Variants in BIRC6 observed in about 807,000 individuals in gnomAD.
BIRC6 encodes the protein baculoviral IAP repeat containing 6.
Under a neutral mutation model 503.3 loss-of-function variants are expected in BIRC6, and 98 were observed. The observed-to-expected ratio is 0.19, with a 90% CI of 0.17 to 0.23. The LOEUF is 0.23. Ranked by LOEUF, BIRC6 falls within the 10% of genes least tolerant of loss-of-function variation. The pLI is 1.00. For synonymous variants in BIRC6, 2,240 were observed against 2,078.7 expected (o/e 1.08, Z -2.11); for missense variants, 5,360 against 5,806.0 (o/e 0.92, Z 2.50).
At chr2:32,583,359 A>C (rs145823126) in intron 66 of BIRC6, among the ~76,000 whole-genome samples, 1 of 152,284 alleles carries the variant, frequency 6.6e-6, no homozygotes, top group Non-Finnish European at 1.5e-5. Context: ...TATCTTTCCT[A>C]ATACCCCCTT....
intron 21 of BIRC6, 102 bp from the exon 22 acceptor site, chr2:32,448,693 C>T (rs910564150): frequency 3.2e-6 from 3 of 948,976 alleles, no homozygotes; most frequent in African/African-American, 1.7e-5. Flanking sequence ...AGAGGGAGAG[C>T]CCTCTGCGCT....
chr2:32,501,776 T>C lies in BIRC6; in HGVS notation c.9095T>C (p.Val3032Ala), dbSNP rs2053225492. The C allele has an allele frequency of 1.2e-6, 2 of 1,613,812 alleles. No individual in the cohort carries two copies. The highest frequency in any genetic ancestry group is 1.7e-6 in the Non-Finnish European group (2 of 1,179,814). ...NFHGGLDAIS[V>A]GDGLFTILTT... ...CATGGTGGGTTGGATGCCATATCAG[T>C]TGGGGATGGATTATTTACCATACTG... Residue 3032 changes from valine to alanine, a missense_variant, in exon 47 of 74, where the codon GTT (valine) becomes GCT (alanine). Val to Ala is a moderately conservative substitution (Grantham distance 64, BLOSUM62 0). Coordinates refer to ENST00000421745, the MANE Select transcript of BIRC6 (RefSeq NM_016252.4).
intron 50 of BIRC6, 124 bp from the exon 51 acceptor site, chr2:32,507,856 G>A (rs539225443): frequency 2.2e-4 from 186 of 841,550 alleles, no homozygotes; most frequent in Non-Finnish European, 3.1e-4. Context: ...TGTTGTATAA[G>A]TTTTCCTTTT....
chr2:32,478,261 T>C (rs1316976494), intron 35 of BIRC6, among the ~76,000 whole-genome samples: 2 of 152,000 alleles, frequency 1.3e-5, no homozygotes, highest in East Asian at 3.9e-4. Flanking sequence ...TGCTTGAACC[T>C]GGGGGCGATG....
chr2:32,510,303 T>C (rs2054268257), intron 52 of BIRC6, among the ~76,000 whole-genome samples: 1 of 152,182 alleles, frequency 6.6e-6, no homozygotes, highest in Non-Finnish European at 1.5e-5. Flanking sequence ...GGTTTTGAAC[T>C]CCTGACCTCA....
At chr2:32,377,893 C>T in intron 2 of BIRC6, 124 bp downstream of exon 2, 1 of 774,360 alleles carries the variant, frequency 1.3e-6, no homozygotes. Flanking sequence ...AAACAATTTA[C>T]TTATTGACCA....
At chr2:32,577,186 G>T (rs1009569734) in intron 66 of BIRC6, among the ~76,000 whole-genome samples, 7 of 151,992 alleles carry the variant, frequency 4.6e-5, no homozygotes, top group African/African-American at 1.7e-4. Flanking sequence ...GGCCATCTGT[G>T]TTGCTTATTC....
intron 3 of BIRC6, among the ~76,000 whole-genome samples, chr2:32,384,725 A>G (rs1161423817): frequency 1.3e-5 from 2 of 152,136 alleles, no homozygotes; most frequent in East Asian, 1.9e-4. Context: ...GGAAGTTTAC[A>G]TTTTTGGGCC....
chr2:32,536,519 A>G lies in BIRC6; in HGVS notation c.12291+4968A>G, dbSNP rs972194230. 2.6e-5 allele frequency among the ~76,000 whole-genome samples: 4 copies of G among 152,192 alleles called. No individual in the cohort carries two copies. In the East Asian group the frequency reaches 7.7e-4, roughly 29 times the overall value. On this transcript the variant is annotated intron_variant, in intron 61 of 73. Transcript: ENST00000421745. ...AGAAGGCATCCAGTTTCAGCTTTCT[A>G]CATATGGCTAGCCAGTTTCCCAGCA...
At chr2:32,460,488 G>C (rs1387515649) in intron 23 of BIRC6, among the ~76,000 whole-genome samples, 1 of 151,158 alleles carries the variant, frequency 6.6e-6, no homozygotes, top group Non-Finnish European at 1.5e-5. Flanking sequence ...TGTTGGTCAG[G>C]CTGGTCTCGA....
At chr2:32,562,159 C>T (rs2059238505) in intron 65 of BIRC6, among the ~76,000 whole-genome samples, 1 of 152,134 alleles carries the variant, frequency 6.6e-6, no homozygotes, top group Admixed American at 6.5e-5. Context: ...TGAACTTTAG[C>T]ATGCTAGACT....
At chr2:32,518,137 A>T in intron 55 of BIRC6, 117 bp from the exon 56 acceptor site, 1 of 976,158 alleles carries the variant, frequency 1.0e-6, no homozygotes, top group Non-Finnish European at 1.5e-6. Context: ...TTCTTTAGCT[A>T]CTGATTTGAT....
intron 71 of BIRC6, among the ~76,000 whole-genome samples, chr2:32,605,586 G>A (rs770087717): frequency 5.3e-5 from 8 of 152,128 alleles, no homozygotes; most frequent in Non-Finnish European, 7.3e-5. Flanking sequence ...ATGTCTGGCC[G>A]GGCGAGGTGA....
intron 39 of BIRC6, among the ~76,000 whole-genome samples, chr2:32,484,211 A>G (rs1393657635): frequency 6.6e-6 from 1 of 152,106 alleles, no homozygotes; most frequent in African/African-American, 2.4e-5. Context: ...GGGGAGCAGA[A>G]TGGTACTCGG....
At chr2:32,373,943 G>A (rs1210751455) in intron 1 of BIRC6, among the ~76,000 whole-genome samples, 1 of 152,228 alleles carries the variant, frequency 6.6e-6, no homozygotes, top group Non-Finnish European at 1.5e-5. Flanking sequence ...AAATAAGCCA[G>A]TCACAAAAGG....
At chr2:32,470,382 C>A in intron 31 of BIRC6, 81 bp downstream of exon 31, 3 of 1,263,050 alleles carry the variant, frequency 2.4e-6, no homozygotes, top group Non-Finnish European at 2.1e-6. Flanking sequence ...CTCTGAAATA[C>A]TTTAATAATT....
intron 68 of BIRC6, 140 bp downstream of exon 68, chr2:32,595,284 T>A: frequency 1.8e-6 from 1 of 562,112 alleles, no homozygotes; most frequent in Non-Finnish European, 3.1e-6. Context: ...CAACATTTTT[T>A]ATCATCTTTG....
Position 32,436,135 on chromosome 2 carries a change from A to T in BIRC6, c.3582A>T (p.Leu1194=). 4 of 1,495,008 alleles carry T rather than the reference A, an allele frequency of 2.7e-6. No homozygotes were observed. The highest frequency in any genetic ancestry group is 3.6e-6 in the Non-Finnish European group (4 of 1,108,486). 92.6% of individuals were successfully genotyped at this position (1,495,008 alleles called of 1,614,324 possible). ...TATGGCTTGCTAGTGGCCTTGATCT[A>T]TCAGGGCATGCTGGAATGTTGACGT... ...GPVWLASGLD[L]SGHAGMLTLT... is the part of the protein sequence containing the mutation. The change falls in exon 15 of 74, where the codon CTA becomes CTT. Residue 1194 remains leucine, a synonymous_variant. Coordinates refer to ENST00000421745, the MANE Select transcript of BIRC6 (RefSeq NM_016252.4).
At chr2:32,557,824 C>G (rs1181077351) in intron 65 of BIRC6, 1 of 152,162 alleles carries the variant, frequency 6.6e-6, no homozygotes, top group Non-Finnish European at 1.5e-5. Flanking sequence ...TTAACATCTT[C>G]TGCTGTAGTG....
Sources: gnomAD v4.1 joint callset for allele counts (sites outside exome capture counted in the v4.1 genomes callset) on GRCh38, gnomAD v4.1.1 for gene constraint, MANE v1.5 for transcripts, NCBI Gene and HGNC (gene_info 2026-07-23, HGNC 2026-07-21) for gene names.